The following CDH8 variants were observed in gnomAD, a reference collection of about 807,000 sequenced individuals.
The protein encoded by CDH8 is cadherin-8.
Under a neutral mutation model 68.1 loss-of-function variants are expected in CDH8, and 17 were observed. The observed-to-expected ratio is 0.25, with a 90% CI of 0.17 to 0.37. CDH8 has a LOEUF of 0.37. Among genes scored for constraint, CDH8 ranks in the 10% least tolerant of loss-of-function variants. CDH8 has a pLI of 1.00. For synonymous variants in CDH8, 372 were observed against 365.1 expected, an observed-to-expected ratio of 1.02 and a Z score of -0.21; for missense variants, 763 against 999.3, an observed-to-expected ratio of 0.76 and a Z score of 3.19.
chr16:61,964,161 C>T (rs759253919), intron 2 of CDH8, among the ~76,000 whole-genome samples: 28 of 152,192 alleles, frequency 1.8e-4, no homozygotes, highest in Non-Finnish European at 3.1e-4. Context: ...AAAACCATCA[C>T]TAAATGTCTA....
intron 10 of CDH8, among the ~76,000 whole-genome samples, chr16:61,681,627 T>G (rs1964013813): frequency 6.6e-6 from 1 of 151,832 alleles, no homozygotes; most frequent in African/African-American, 2.4e-5. Context: ...TTTCTAAATT[T>G]GTGAAATATT....
intron 10 of CDH8, among the ~76,000 whole-genome samples, chr16:61,660,324 T>A (rs1031544438): frequency 1.3e-5 from 2 of 151,352 alleles, no homozygotes; most frequent in Non-Finnish European, 2.9e-5. Flanking sequence ...CAATAAAAAA[T>A]TAACTAGAGT....
At chr16:62,010,918 G>C (rs1291407638) in intron 2 of CDH8, among the ~76,000 whole-genome samples, 1 of 150,846 alleles carries the variant, frequency 6.6e-6, no homozygotes, top group East Asian at 2.0e-4. Flanking sequence ...ATTCCAGTCT[G>C]GGCAACAAGA....
intron 10 of CDH8, among the ~76,000 whole-genome samples, chr16:61,669,304 T>A (rs959498793): frequency 6.6e-6 from 1 of 152,052 alleles, no homozygotes; most frequent in African/African-American, 2.4e-5. Flanking sequence ...TTATTTAGCA[T>A]CTGCTATCTA....
chr16:61,980,423 A>G (rs1331299269), intron 2 of CDH8, among the ~76,000 whole-genome samples: 1 of 152,084 alleles, frequency 6.6e-6, no homozygotes, highest in Non-Finnish European at 1.5e-5. Context: ...CATTTTTTTC[A>G]TATATAAAAT....
chr16:61,999,666 G>GA (rs1329422422), intron 2 of CDH8, among the ~76,000 whole-genome samples: 1 of 151,906 alleles, frequency 6.6e-6, no homozygotes, highest in Admixed American at 6.6e-5. Flanking sequence ...GACTTTAAAG[G>GA]ACCCTGAAAA....
At chr16:61,754,462 G>A (rs538173954) in intron 8 of CDH8, among the ~76,000 whole-genome samples, 1 of 152,100 alleles carries the variant, frequency 6.6e-6, no homozygotes, top group African/African-American at 2.4e-5. Context: ...TGAGTCAAAG[G>A]AAGAATACTA....
intron 10 of CDH8, among the ~76,000 whole-genome samples, chr16:61,677,328 C>T (rs918783883): frequency 2.0e-5 from 3 of 151,066 alleles, no homozygotes; most frequent in Non-Finnish European, 4.4e-5. Context: ...TGGTACTTTT[C>T]CTTACTGGCA....
At chr16:62,001,868 T>G (rs1416282545) in intron 2 of CDH8, among the ~76,000 whole-genome samples, 2 of 152,078 alleles carry the variant, frequency 1.3e-5, no homozygotes, top group Non-Finnish European at 2.9e-5. Flanking sequence ...CCAGGAGTAA[T>G]GTGAGATCTG....
intron 4 of CDH8, among the ~76,000 whole-genome samples, chr16:61,843,452 T>C (rs574609800): frequency 6.6e-6 from 1 of 152,136 alleles, no homozygotes; most frequent in African/African-American, 2.4e-5. Flanking sequence ...TATAAAGAAA[T>C]GGGATCTCAG....
chr16:61,778,714 G>A (rs77282322), intron 8 of CDH8, among the ~76,000 whole-genome samples: 3,746 of 152,040 alleles, frequency 0.025, 148 homozygotes, highest in African/African-American at 0.085. Context: ...AATCATTTCC[G>A]TTCACAGACG....
chr16:61,943,145 G>A (rs146206193), intron 2 of CDH8, among the ~76,000 whole-genome samples: 1 of 152,226 alleles, frequency 6.6e-6, no homozygotes, highest in East Asian at 1.9e-4. Flanking sequence ...TAATCATCCA[G>A]TCATTCTGCA....
chr16:61,809,016 G>A (rs986362272), intron 7 of CDH8, among the ~76,000 whole-genome samples: 10 of 152,002 alleles, frequency 6.6e-5, no homozygotes, highest in Admixed American at 1.3e-4. Flanking sequence ...AGAAACCCCC[G>A]TCTCTACTAA....
chr16:61,955,857 T>A (rs1964979630), intron 2 of CDH8, among the ~76,000 whole-genome samples: 1 of 152,196 alleles, frequency 6.6e-6, no homozygotes, highest in South Asian at 2.1e-4. Context: ...GCTGGGATAT[T>A]CTTAATCAGT....
chr16:62,019,689 A>T (rs1436119615), intron 2 of CDH8, among the ~76,000 whole-genome samples: 1 of 152,156 alleles, frequency 6.6e-6, no homozygotes, highest in Non-Finnish European at 1.5e-5. Context: ...TGTATCAAGG[A>T]TACAAAAAAA....
intron 7 of CDH8, among the ~76,000 whole-genome samples, chr16:61,810,770 T>C (rs1039403728): frequency 8.5e-5 from 13 of 152,112 alleles, no homozygotes; most frequent in Non-Finnish European, 1.9e-4. Flanking sequence ...ACGCCTGTAA[T>C]CCAAGAACTT....
intron 8 of CDH8, among the ~76,000 whole-genome samples, chr16:61,763,901 G>A (rs1960526539): frequency 6.6e-6 from 1 of 152,080 alleles, no homozygotes; most frequent in South Asian, 2.1e-4. Flanking sequence ...ATGGCTAATG[G>A]AGCAAGGCAT....
intron 8 of CDH8, among the ~76,000 whole-genome samples, chr16:61,739,398 T>A (rs1020417002): frequency 3.9e-5 from 6 of 152,096 alleles, no homozygotes; most frequent in Non-Finnish European, 8.8e-5. Flanking sequence ...AAAGCTAATA[T>A]TGTAAACTAC....
chr16:61,693,625 GTTA>G (rs1448445681), intron 10 of CDH8: 1 of 152,116 alleles, frequency 6.6e-6, no homozygotes, highest in Non-Finnish European at 1.5e-5. Context: ...TCTTGTTGTT[GTTA>G]TTATTATCAT....
Sources: gnomAD v4.1 joint callset for allele counts (sites outside exome capture counted in the v4.1 genomes callset) on GRCh38, gnomAD v4.1.1 for gene constraint, MANE v1.5 for transcripts, NCBI Gene and HGNC (gene_info 2026-07-23, HGNC 2026-07-21) for gene names.